The following METAP1 variants were observed in gnomAD, a reference collection of about 807,000 sequenced individuals.
METAP1 encodes the protein methionyl aminopeptidase 1.
Under a neutral mutation model 53.8 loss-of-function variants are expected in METAP1, and 28 were observed. The observed-to-expected ratio is 0.52, with a 90% CI of 0.39 to 0.71. The LOEUF (loss-of-function observed/expected upper bound fraction) is 0.71. METAP1 is among the 30% of genes least tolerant of loss of function. The probability of loss-of-function intolerance (pLI) is 0.00; values close to 1 mark genes in which losing one functional copy is unlikely to be tolerated. For synonymous variants in METAP1, 181 were observed against 165.7 expected, an observed-to-expected ratio of 1.09 and a Z score of -0.71; for missense variants, 389 against 479.8, an observed-to-expected ratio of 0.81 and a Z score of 1.77.
At chr4:99,002,851 G>C (rs1274235235) in intron 1 of METAP1, among the ~76,000 whole-genome samples, 1 of 152,126 alleles carries the variant, frequency 6.6e-6, no homozygotes, top group Non-Finnish European at 1.5e-5. Flanking sequence ...GAGGCGGGCA[G>C]ATATCTTGCT....
intron 1 of METAP1, among the ~76,000 whole-genome samples, chr4:99,024,079 G>A (rs1724363369): frequency 6.6e-6 from 1 of 152,206 alleles, no homozygotes; most frequent in African/African-American, 2.4e-5. Context: ...GGGCCTGGTA[G>A]TTAAAGATCA....
chr4:99,023,025 G>A, intron 1 of METAP1: 1 of 1,447,478 alleles, frequency 6.9e-7, no homozygotes, highest in Non-Finnish European at 9.3e-7. Context: ...TGCTGCCACA[G>A]GCTGCTGCTT....
intron 9 of METAP1, among the ~76,000 whole-genome samples, chr4:99,055,066 G>A (rs1726998535): frequency 6.6e-6 from 1 of 151,960 alleles, no homozygotes; most frequent in South Asian, 2.1e-4. Context: ...TCAGAGCAGG[G>A]TTGCCACAAA....
At chr4:99,015,352 G>C (rs1012586522) in intron 1 of METAP1, among the ~76,000 whole-genome samples, 2 of 152,190 alleles carry the variant, frequency 1.3e-5, no homozygotes, top group Non-Finnish European at 2.9e-5. Context: ...AAAGGAGGAA[G>C]AGGGAGAAGG....
At chr4:99,022,258 AGGT>A in intron 1 of METAP1, 1 of 500,412 alleles carries the variant, frequency 2.0e-6, no homozygotes, top group Non-Finnish European at 3.1e-6. Context: ...TTCTATTATG[AGGT>A]AGACAGGAAA....
chr4:99,003,760 T>A (rs1392756756), intron 1 of METAP1, among the ~76,000 whole-genome samples: 2 of 152,212 alleles, frequency 1.3e-5, no homozygotes, highest in African/African-American at 4.8e-5. Flanking sequence ...ACACAGATGA[T>A]TTCTGTAACC....
At chr4:99,003,643 T>G (rs555527931) in intron 1 of METAP1, among the ~76,000 whole-genome samples, 3 of 152,196 alleles carry the variant, frequency 2.0e-5, no homozygotes, top group Non-Finnish European at 4.4e-5. Flanking sequence ...TGTCGATGTA[T>G]GTTTTCTAAA....
At chr4:99,039,299 C>G in intron 4 of METAP1, 75 bp from the exon 5 acceptor site, 1 of 830,824 alleles carries the variant, frequency 1.2e-6, no homozygotes, top group South Asian at 1.7e-5. Flanking sequence ...TTTTATGCCA[C>G]AGGTTTATAA....
intron 9 of METAP1, among the ~76,000 whole-genome samples, chr4:99,052,811 A>G (rs997134216): frequency 4.6e-5 from 7 of 152,170 alleles, no homozygotes; most frequent in Admixed American, 4.6e-4. Context: ...AGCTTGTGAT[A>G]TTGTTTGATA....
At chr4:99,032,509 G>A (rs918422381) in intron 2 of METAP1, among the ~76,000 whole-genome samples, 4 of 152,086 alleles carry the variant, frequency 2.6e-5, no homozygotes, top group Non-Finnish European at 5.9e-5. Context: ...GGTATTACAG[G>A]CGTGACCTGC....
chr4:99,062,351 A>T lies in METAP1; in HGVS notation c.*1034A>T, dbSNP rs1033389476. 1 of 152,546 alleles carries T rather than the reference A, an allele frequency of 6.6e-6. No individual in the cohort carries two copies. The highest frequency in any genetic ancestry group is 1.5e-5 in the Non-Finnish European group (1 of 68,040). 9.4% of individuals were successfully genotyped at this position (152,546 alleles called of 1,614,324 possible). ...TGTGTACTGTAACCTTGCAGTAGAG[A>T]TGCAGCTGTCCTTCGTGTGTGGAAA... On this transcript the variant is annotated 3_prime_UTR_variant, in exon 11 of 11. Transcript: ENST00000296411.
chr4:99,030,511 T>C (rs1163200667), intron 2 of METAP1, among the ~76,000 whole-genome samples: 1 of 152,186 alleles, frequency 6.6e-6, no homozygotes, highest in Non-Finnish European at 1.5e-5. Context: ...CTGTGATGGA[T>C]AGAGATCATC....
At chr4:99,036,815 C>A (rs1024253934) in intron 4 of METAP1, among the ~76,000 whole-genome samples, 7 of 151,974 alleles carry the variant, frequency 4.6e-5, no homozygotes, top group African/African-American at 9.7e-5. Context: ...ATATTTATAT[C>A]TTTGTCCATG....
chr4:99,029,675 GGTA>G (rs1724851551), intron 2 of METAP1, among the ~76,000 whole-genome samples: 1 of 151,768 alleles, frequency 6.6e-6, no homozygotes, highest in African/African-American at 2.4e-5. Context: ...CATTGTTCTT[GGTA>G]TAAGGTTTCT....
intron 1 of METAP1, 132 bp downstream of exon 1, chr4:98,995,999 C>T: frequency 1.4e-6 from 1 of 725,928 alleles, no homozygotes; most frequent in Non-Finnish European, 2.3e-6. Flanking sequence ...GTTTCCTCCT[C>T]CCCCCACCCG....
At chr4:99,050,721 A>G (rs1348549347) in intron 9 of METAP1, among the ~76,000 whole-genome samples, 3 of 152,148 alleles carry the variant, frequency 2.0e-5, no homozygotes, top group African/African-American at 4.8e-5. Context: ...TGAACTGTGC[A>G]TGTGAGGGAT....
chr4:99,001,460 T>G (rs190840682), intron 1 of METAP1, among the ~76,000 whole-genome samples: 1 of 152,216 alleles, frequency 6.6e-6, no homozygotes, highest in Non-Finnish European at 1.5e-5. Context: ...CTTAAGAACA[T>G]ATTTGCGTAT....
At position 99,047,421 on chromosome 4, in the gene METAP1, A is replaced by G. The variant is rs574546767; in HGVS notation, c.788-1312A>G. ...GAAGACTTCCTCTGTCACTCTTTCT[A>G]TGCAACATGGATTACAATATTGTTC... On this transcript the variant is annotated intron_variant, in intron 8 of 10. Coordinates refer to ENST00000296411, the MANE Select transcript of METAP1 (RefSeq NM_015143.3). Among the ~76,000 whole-genome samples the G allele has an allele frequency of 3.2e-3, 487 of 152,268 alleles. 1 individual carries two copies. The highest frequency in any genetic ancestry group is 0.011 in the African/African-American group (439 of 41,542).
chr4:99,048,130 T>C (rs1560731423), intron 8 of METAP1, among the ~76,000 whole-genome samples: 1 of 152,168 alleles, frequency 6.6e-6, no homozygotes, highest in Non-Finnish European at 1.5e-5. Flanking sequence ...AAAAGAAGTG[T>C]ATTTTCCTCT....
Sources: allele counts gnomAD v4.1 joint callset (sites outside exome capture counted in the v4.1 genomes callset), GRCh38; gene constraint gnomAD v4.1.1; transcripts MANE v1.5; gene names NCBI Gene and HGNC (gene_info 2026-07-23, HGNC 2026-07-21).